Variants in MBTD1 observed in about 807,000 individuals in gnomAD.
The protein encoded by MBTD1 is MBT domain-containing protein 1.
In MBTD1, 24 loss-of-function variants were observed where a neutral mutation model predicts 87.8. The ratio of observed to expected loss-of-function variants is 0.27; its 90% confidence interval spans 0.20 to 0.38. The LOEUF is 0.38. Among genes scored for constraint, MBTD1 ranks in the 10% least tolerant of loss-of-function variants. The pLI is 1.00. For missense variants in MBTD1, 436 were observed against 760.2 expected, an observed-to-expected ratio of 0.57 and a Z score of 5.02; for synonymous variants, 237 against 248.6, an observed-to-expected ratio of 0.95 and a Z score of 0.44.
At chr17:51,235,381 AC>A (rs1196044538) in intron 2 of MBTD1, among the ~76,000 whole-genome samples, 1 of 151,082 alleles carries the variant, frequency 6.6e-6, no homozygotes, top group Non-Finnish European at 1.5e-5. Flanking sequence ...CAGGTAATCC[AC>A]CCACCTCAGC....
At chr17:51,258,008 CA>C (rs11324573) in intron 2 of MBTD1, among the ~76,000 whole-genome samples, 17,690 of 136,902 alleles carry the variant, frequency 0.13, 2,112 homozygotes, top group African/African-American at 0.34. Flanking sequence ...GGAGGTGGTG[CA>C]AAAAAAAAAA....
chr17:51,241,737 T>A (rs903539693), intron 2 of MBTD1, among the ~76,000 whole-genome samples: 2 of 152,134 alleles, frequency 1.3e-5, no homozygotes, highest in African/African-American at 4.8e-5. Context: ...CTATTTATTT[T>A]TTTATTTTTA....
At chr17:51,197,037 A>G (rs892082471) in intron 12 of MBTD1, among the ~76,000 whole-genome samples, 3 of 112,218 alleles carry the variant, frequency 2.7e-5, no homozygotes, top group Non-Finnish European at 5.2e-5. Flanking sequence ...TATTATATAT[A>G]CAAGATATAT....
chr17:51,207,529 A>G (rs758750334), intron 6 of MBTD1, among the ~76,000 whole-genome samples: 7 of 152,206 alleles, frequency 4.6e-5, no homozygotes, highest in Admixed American at 2.0e-4. Context: ...AAAGCACTGG[A>G]TAAAGTTATT....
chr17:51,215,422 A>T (rs2052509450), intron 6 of MBTD1, among the ~76,000 whole-genome samples: 1 of 152,202 alleles, frequency 6.6e-6, no homozygotes. Flanking sequence ...TAATACCCTG[A>T]CTACTTACAG....
chr17:51,184,443 AC>A (rs2050446677), intron 16 of MBTD1: 1 of 152,214 alleles, frequency 6.6e-6, no homozygotes, highest in Admixed American at 6.5e-5. Flanking sequence ...AGCTAATGAA[AC>A]CATAGCTTTC....
intron 16 of MBTD1, among the ~76,000 whole-genome samples, chr17:51,187,088 T>G (rs1385569115): frequency 6.6e-6 from 1 of 152,082 alleles, no homozygotes; most frequent in Non-Finnish European, 1.5e-5. Context: ...AATTCAAAGC[T>G]TATTGCCTGT....
chr17:51,236,142 A>G (rs1401475284), intron 2 of MBTD1, among the ~76,000 whole-genome samples: 1 of 152,222 alleles, frequency 6.6e-6, no homozygotes, highest in Non-Finnish European at 1.5e-5. Context: ...ATAGATATCT[A>G]CAGAATCTAT....
intron 2 of MBTD1, among the ~76,000 whole-genome samples, chr17:51,252,025 A>G (rs2054816276): frequency 1.3e-5 from 2 of 152,344 alleles, no homozygotes; most frequent in Non-Finnish European, 2.9e-5. Flanking sequence ...TCGGCCTCCC[A>G]AAGTGTTGGG....
At chr17:51,181,418 A>C (rs2050308805) in intron 16 of MBTD1, among the ~76,000 whole-genome samples, 1 of 151,810 alleles carries the variant, frequency 6.6e-6, no homozygotes, top group Admixed American at 6.5e-5. Context: ...TTACATAAGG[A>C]TGTAACATAT....
chr17:51,243,438 A>G (rs1282747696), intron 2 of MBTD1, among the ~76,000 whole-genome samples: 1 of 152,106 alleles, frequency 6.6e-6, no homozygotes, highest in Non-Finnish European at 1.5e-5. Context: ...AAACACATAG[A>G]TTTTCTGAAT....
intron 2 of MBTD1, among the ~76,000 whole-genome samples, chr17:51,242,528 T>C (rs2144047844): frequency 6.6e-6 from 1 of 152,364 alleles, no homozygotes; most frequent in East Asian, 1.9e-4. Flanking sequence ...TATTTCAATG[T>C]GGTTGTTACT....
chr17:51,236,949 T>C (rs538217384), intron 2 of MBTD1, among the ~76,000 whole-genome samples: 203 of 151,966 alleles, frequency 1.3e-3, no homozygotes, highest in Non-Finnish European at 2.5e-3. Flanking sequence ...ATATTAACAA[T>C]CTTGTGTTAA....
At chr17:51,214,783 C>G (rs528915092) in intron 6 of MBTD1, among the ~76,000 whole-genome samples, 94 of 152,182 alleles carry the variant, frequency 6.2e-4, no homozygotes, top group Non-Finnish European at 1.6e-4. Flanking sequence ...ACAAAGAGGC[C>G]TTCCTGACTA....
In MBTD1 at chr17:51,179,514, A is replaced by ATATATT. The variant is rs1568136181; in HGVS notation, c.*1061_*1062insAATATA. ...TATATATATATATATATATATATAT[A>ATATATT]TATATATATATATATATATATATGG... On this transcript the variant is annotated 3_prime_UTR_variant, in exon 17 of 17. Coordinates refer to ENST00000586178, the MANE Select transcript of MBTD1 (RefSeq NM_017643.3). The ATATATT allele has an allele frequency of 1.0e-4, 10 of 96,096 alleles. 1 individual carries two copies. Among genetic ancestry groups the ATATATT allele is most frequent in the African/African-American group, 1.4e-4 (3 of 22,210 alleles). The allele number at this position is 96,096 out of a possible 1,614,324, so 6.0% of individuals were successfully genotyped here. A position where few individuals can be genotyped will look rare whatever the true frequency, so the allele number is the denominator to read the frequency against.
At chr17:51,254,960 G>C (rs1294017883) in intron 2 of MBTD1, among the ~76,000 whole-genome samples, 1 of 152,154 alleles carries the variant, frequency 6.6e-6, no homozygotes, top group Non-Finnish European at 1.5e-5. Flanking sequence ...TGGTCTGAAT[G>C]ATCAAACAAG....
intron 2 of MBTD1, among the ~76,000 whole-genome samples, chr17:51,258,008 CAAAA>C (rs11324573): frequency 2.2e-5 from 3 of 137,000 alleles, no homozygotes; most frequent in Admixed American, 7.4e-5. Context: ...GGAGGTGGTG[CAAAA>C]AAAAAAAAAA....
At chr17:51,204,744 G>C (rs1213267156) in intron 7 of MBTD1, among the ~76,000 whole-genome samples, 1 of 152,014 alleles carries the variant, frequency 6.6e-6, no homozygotes, top group Non-Finnish European at 1.5e-5. Flanking sequence ...CAGGTGATCT[G>C]CCCGCCTTGG....
At chr17:51,252,257 A>C (rs549694478) in intron 2 of MBTD1, among the ~76,000 whole-genome samples, 3 of 152,182 alleles carry the variant, frequency 2.0e-5, no homozygotes, top group South Asian at 4.1e-4. Flanking sequence ...TCATATAACC[A>C]CCATGAACAC....
Sources: gnomAD v4.1 joint callset for allele counts (sites outside exome capture counted in the v4.1 genomes callset) on GRCh38, gnomAD v4.1.1 for gene constraint, MANE v1.5 for transcripts, NCBI Gene and HGNC (gene_info 2026-07-23, HGNC 2026-07-21) for gene names.